The following MCTP2 variants were observed in gnomAD, a reference collection of about 807,000 sequenced individuals.
The protein encoded by MCTP2 is multiple C2 and transmembrane domain containing 2, also known as multiple C2 and transmembrane domain-containing protein 2.
Under a neutral mutation model 111.6 loss-of-function variants are expected in MCTP2, and 132 were observed. The observed-to-expected ratio is 1.18, with a 90% confidence interval of 1.03 to 1.37. The LOEUF is 1.37. MCTP2 is among the 40% of genes most tolerant of loss of function. MCTP2 has a pLI of 0.00. For missense variants in MCTP2, 1,183 were observed against 1,067.9 expected (o/e 1.11, Z -1.50); for synonymous variants, 395 against 387.7 (o/e 1.02, Z -0.22).
chr15:94,352,365 G>A (rs1404947637), intron 8 of MCTP2, among the ~76,000 whole-genome samples: 2 of 152,220 alleles, frequency 1.3e-5, no homozygotes, highest in African/African-American at 2.4e-5. Context: ...TAGCCAGTGT[G>A]CCTTAAGTGG....
In MCTP2 at chr15:94,442,901, C is replaced by A; in HGVS notation, c.2209-18C>A. ...ATTTCGGTTGATGTTTCTATAAACA[C>A]GTGGGATTTCCTTTCAGGAGAGCAC... On this transcript the variant is annotated intron_variant, in intron 18 of 22. Transcript: ENST00000357742. The A allele has an allele frequency of 1.9e-6, 3 of 1,610,426 alleles. No individual in the cohort carries two copies. The highest frequency in any genetic ancestry group is 2.5e-6 in the Non-Finnish European group (3 of 1,177,456).
intron 16 of MCTP2, among the ~76,000 whole-genome samples, chr15:94,401,106 A>G (rs904544367): frequency 6.6e-6 from 1 of 152,152 alleles, no homozygotes; most frequent in Non-Finnish European, 1.5e-5. Flanking sequence ...CCTTTGCAAA[A>G]CAAGACCTCC....
chr15:94,232,783 T>A (rs1254735431), intron 1 of MCTP2, among the ~76,000 whole-genome samples: 1 of 152,212 alleles, frequency 6.6e-6, no homozygotes, highest in African/African-American at 2.4e-5. Context: ...AGGGAGAATG[T>A]AAATCTTTGA....
intron 4 of MCTP2, among the ~76,000 whole-genome samples, chr15:94,333,169 A>G (rs886511381): frequency 6.6e-6 from 1 of 152,134 alleles, no homozygotes; most frequent in Non-Finnish European, 1.5e-5. Flanking sequence ...CAGAAGGTGG[A>G]GTAGGTTGCA....
chr15:94,351,501 AT>A (rs2078299738), intron 8 of MCTP2, among the ~76,000 whole-genome samples: 2 of 152,170 alleles, frequency 1.3e-5, no homozygotes, highest in Non-Finnish European at 2.9e-5. Flanking sequence ...TACGAAGTTG[AT>A]TTTTTTAATG....
chr15:94,452,471 TTC>T (rs2084524127), intron 19 of MCTP2, among the ~76,000 whole-genome samples: 1 of 152,208 alleles, frequency 6.6e-6, no homozygotes, highest in South Asian at 2.1e-4. Context: ...GCCTGGAATC[TTC>T]TCTCAAACCA....
chr15:94,319,035 T>C (rs981382913), intron 4 of MCTP2, among the ~76,000 whole-genome samples: 8 of 80,788 alleles, frequency 9.9e-5, no homozygotes, highest in Non-Finnish European at 2.4e-4. Flanking sequence ...TAATTGTTCT[T>C]GGTTTTTTTT....
At chr15:94,414,968 T>C (rs770860426) in intron 17 of MCTP2, among the ~76,000 whole-genome samples, 2 of 152,142 alleles carry the variant, frequency 1.3e-5, no homozygotes, top group Non-Finnish European at 2.9e-5. Flanking sequence ...ATGGTGTCTT[T>C]CCTGCTTTTT....
intron 1 of MCTP2, among the ~76,000 whole-genome samples, chr15:94,281,445 G>A (rs943993799): frequency 6.6e-6 from 1 of 152,104 alleles, no homozygotes; most frequent in Non-Finnish European, 1.5e-5. Context: ...TGAAGCTATA[G>A]ATGTTGTGGC....
intron 1 of MCTP2, among the ~76,000 whole-genome samples, chr15:94,263,639 G>T (rs1023480639): frequency 6.6e-6 from 1 of 152,134 alleles, no homozygotes; most frequent in Non-Finnish European, 1.5e-5. Flanking sequence ...AAACAGTGAA[G>T]TCACCAACCA....
chr15:94,340,271 A>T lies in MCTP2; in HGVS notation c.853A>T (p.Asn285Tyr). ...TGTCATTCTCAGTGATCTTGAGCTT[A>T]ACAGGTACCGTATTTTTACATTTTA... Reference protein sequence around the residue: ...AFVILSDLELNRTTEHILKLE... With the variant: ...AFVILSDLELYRTTEHILKLE... Residue 285 changes from asparagine (N) to tyrosine (Y), a missense_variant, in exon 6 of 23, where the codon AAC becomes TAC. Physicochemically the swap from Asn to Tyr is moderately radical, Grantham distance 143. Coordinates refer to ENST00000357742, the MANE Select transcript of MCTP2 (RefSeq NM_001385001.1). The T allele has an allele frequency of 6.2e-7, 1 of 1,609,136 alleles. No individual in the cohort carries two copies. Among genetic ancestry groups the T allele is most frequent in the Non-Finnish European group, 8.5e-7 (1 of 1,175,678 alleles).
At chr15:94,459,425 C>T (rs1000705541) in intron 20 of MCTP2, among the ~76,000 whole-genome samples, 5 of 151,926 alleles carry the variant, frequency 3.3e-5, no homozygotes, top group Non-Finnish European at 7.4e-5. Context: ...ACATTGCCCT[C>T]GAATGCCCAT....
At chr15:94,247,329 G>T (rs2072089149) in intron 1 of MCTP2, among the ~76,000 whole-genome samples, 1 of 152,060 alleles carries the variant, frequency 6.6e-6, no homozygotes, top group African/African-American at 2.4e-5. Context: ...GGGAATTCCA[G>T]CTGTCTCCAG....
intron 2 of MCTP2, 70 bp from the exon 3 acceptor site, chr15:94,314,212 A>G: frequency 9.7e-7 from 1 of 1,034,426 alleles, no homozygotes. Context: ...AAGACCTGAT[A>G]GAGGGTATCT....
At chr15:94,435,649 T>TTTTTTTTTTTTTTTTTTTTTGG in intron 17 of MCTP2, among the ~76,000 whole-genome samples, 1 of 137,666 alleles carries the variant, frequency 7.3e-6, no homozygotes, top group East Asian at 2.3e-4. Flanking sequence ...TTTTTTTTTT[T>TTTTTTTTTTTTTTTTTTTTTGG]GAGACGGAGT....
chr15:94,298,541 C>T lies in MCTP2; in HGVS notation c.276C>T (p.Ser92=), dbSNP rs775388420. ...CTGCAGGGATCTTTCCCAAGAGCAG[C>T]AGTAGCTCCTTGAAACAGTCTGAAG... ...LSTAGIFPKS[S]SSSLKQSEEE... The change falls in exon 2 of 23, where the codon AGC becomes AGT. Residue 92 remains serine, a synonymous_variant. Coordinates refer to ENST00000357742, the MANE Select transcript of MCTP2 (RefSeq NM_001385001.1). 2 of 1,614,186 alleles carry T rather than the reference C, an allele frequency of 1.2e-6. No homozygotes were observed. Among genetic ancestry groups the T allele is most frequent in the Non-Finnish European group, 1.7e-6 (2 of 1,180,028 alleles).
intron 20 of MCTP2, among the ~76,000 whole-genome samples, chr15:94,462,211 T>C (rs747610852): frequency 2.6e-5 from 4 of 152,206 alleles, no homozygotes; most frequent in Non-Finnish European, 5.9e-5. Flanking sequence ...TTCTGGGATG[T>C]GTCACAATCA....
intron 4 of MCTP2, among the ~76,000 whole-genome samples, chr15:94,330,706 G>A (rs1596376498): frequency 6.6e-6 from 1 of 152,062 alleles, no homozygotes; most frequent in African/African-American, 2.4e-5. Flanking sequence ...GGGTGACCAA[G>A]AATAGAGATG....
At chr15:94,395,939 A>G (rs540086567) in intron 14 of MCTP2, among the ~76,000 whole-genome samples, 70 of 152,304 alleles carry the variant, frequency 4.6e-4, no homozygotes, top group African/African-American at 1.6e-3. Context: ...TGAAAATAAT[A>G]TAAGGGACAT....
Sources: allele counts gnomAD v4.1 joint callset (sites outside exome capture counted in the v4.1 genomes callset), GRCh38; gene constraint gnomAD v4.1.1; transcripts MANE v1.5; gene names NCBI Gene and HGNC (gene_info 2026-07-23, HGNC 2026-07-21).